The following ICA1L variants were observed in gnomAD, a reference collection of about 807,000 sequenced individuals.
ICA1L encodes the protein islet cell autoantigen 1 like.
In ICA1L, 50 loss-of-function variants were observed where a neutral mutation model predicts 61.3. That is an observed-to-expected ratio of 0.82 (90% confidence interval 0.65 to 1.03). The LOEUF is 1.03. Among genes scored for constraint, ICA1L ranks in the 50% least tolerant of loss-of-function variants. The pLI, the probability that ICA1L is intolerant of heterozygous loss-of-function variation, is 0.00. For missense variants in ICA1L, 508 were observed against 556.7 expected (o/e 0.91, Z 0.88); for synonymous variants, 161 against 191.3 (o/e 0.84, Z 1.31).
At chr2:202,814,451 C>G (rs1693473544) in intron 8 of ICA1L, among the ~76,000 whole-genome samples, 1 of 152,194 alleles carries the variant, frequency 6.6e-6, no homozygotes, top group South Asian at 2.1e-4. Context: ...TCACCAGAAA[C>G]CAGGGCCACG....
chr2:202,799,076 A>C (rs554508589), intron 9 of ICA1L, among the ~76,000 whole-genome samples: 1 of 152,388 alleles, frequency 6.6e-6, no homozygotes, highest in South Asian at 2.1e-4. Context: ...ATACTAATGC[A>C]ATAATCGTGC....
At chr2:202,806,162 C>T (rs1320898224) in intron 9 of ICA1L, among the ~76,000 whole-genome samples, 1 of 152,144 alleles carries the variant, frequency 6.6e-6, no homozygotes, top group Non-Finnish European at 1.5e-5. Context: ...CAATCCCAGG[C>T]AGTGCAGCTT....
intron 1 of ICA1L, among the ~76,000 whole-genome samples, chr2:202,864,607 A>ATGTGTG (rs1362448637): frequency 6.6e-6 from 1 of 151,080 alleles, no homozygotes; most frequent in African/African-American, 2.4e-5. Flanking sequence ...ATGTATGTAT[A>ATGTGTG]TGTGTGTGTG....
chr2:202,788,085 T>C (rs961095066), intron 11 of ICA1L, among the ~76,000 whole-genome samples: 4 of 152,192 alleles, frequency 2.6e-5, no homozygotes, highest in African/African-American at 4.8e-5. Flanking sequence ...ATAGGAGATA[T>C]GGGTGGAAAT....
In ICA1L at chr2:202,775,735, T is replaced by A. The variant is rs915553553; in HGVS notation, c.*3798A>T. 7.9e-5 allele frequency: 12 copies of A among 152,216 alleles called. No individual in the cohort carries two copies. Among genetic ancestry groups the A allele is most frequent in the Non-Finnish European group, 1.3e-4 (9 of 68,054 alleles). 9.4% of individuals were successfully genotyped at this position (152,216 alleles called of 1,614,324 possible). A position where few individuals can be genotyped will look rare whatever the true frequency, so the allele number is the denominator to read the frequency against. ...GGTTTCACCATGTTGGCCAGGGTGGTCTCAAACTCCCAACTTCAAGTGATC... is the reference window on the plus strand; with the variant it reads ...GGTTTCACCATGTTGGCCAGGGTGGACTCAAACTCCCAACTTCAAGTGATC... On this transcript the variant is annotated 3_prime_UTR_variant, in exon 13 of 13. Transcript: ENST00000358299.
chr2:202,813,354 A>T (rs866972761), intron 8 of ICA1L, among the ~76,000 whole-genome samples: 2 of 152,024 alleles, frequency 1.3e-5, no homozygotes, highest in African/African-American at 4.8e-5. Context: ...TCAAGTTAGC[A>T]AAAAAAATTG....
chr2:202,865,261 G>A (rs1687462852), intron 1 of ICA1L, among the ~76,000 whole-genome samples: 2 of 151,872 alleles, frequency 1.3e-5, no homozygotes, highest in South Asian at 4.2e-4. Flanking sequence ...TTGAGGTCAG[G>A]GGTTCAAGAG....
chr2:202,832,948 A>G (rs981021853), intron 1 of ICA1L, among the ~76,000 whole-genome samples: 3 of 152,168 alleles, frequency 2.0e-5, no homozygotes, highest in Non-Finnish European at 4.4e-5. Flanking sequence ...AAATATTCAA[A>G]TAAATAAAAC....
chr2:202,850,822 C>G (rs1433930040), intron 1 of ICA1L, among the ~76,000 whole-genome samples: 3 of 151,862 alleles, frequency 2.0e-5, no homozygotes, highest in Non-Finnish European at 4.4e-5. Flanking sequence ...AAGAGCAACC[C>G]CAAGACATAT....
Position 202,814,800 on chromosome 2 carries a change from T to C in ICA1L, c.784-16A>G, listed in dbSNP as rs1300418790. 1.9e-6 allele frequency: 3 copies of C among 1,542,192 alleles called. No homozygotes were observed. Among genetic ancestry groups the C allele is most frequent in the Non-Finnish European group, 2.7e-6 (3 of 1,115,796 alleles). On this transcript the variant is annotated splice_polypyrimidine_tract_variant and intron_variant, in intron 7 of 12. Transcript: ENST00000358299. The stretch of plus-strand genomic sequence containing the variant: ...CTTGTAGTTGCTAAAGATAAGAAAG[T>C]CAATGTTAAGTATATAGAATGAATC...
chr2:202,789,190 A>G (rs900701981), intron 10 of ICA1L, 103 bp from the exon 11 acceptor site: 1 of 960,164 alleles, frequency 1.0e-6, no homozygotes, highest in Non-Finnish European at 1.6e-6. Flanking sequence ...ATACTGTATT[A>G]ACATAATTTT....
rs1692291121 is a variant in ICA1L, at chr2:202,778,357, A to G, written c.*1176T>C. On this transcript the variant is annotated 3_prime_UTR_variant, in exon 13 of 13. Coordinates refer to ENST00000358299, the MANE Select transcript of ICA1L (RefSeq NM_001288622.3). ...ATCAGCTTACACTAACTTCCATTAAATAGCCTTCCTCTCTAATACTTAGGT... is the reference window on the plus strand; with the variant it reads ...ATCAGCTTACACTAACTTCCATTAAGTAGCCTTCCTCTCTAATACTTAGGT... 1 of 152,216 alleles carries G rather than the reference A, an allele frequency of 6.6e-6. No individual in the cohort carries two copies. Among genetic ancestry groups the G allele is most frequent in the African/African-American group, 2.4e-5 (1 of 41,452 alleles). 9.4% of individuals were successfully genotyped at this position (152,216 alleles called of 1,614,324 possible). A position where few individuals can be genotyped will look rare whatever the true frequency, so the allele number is the denominator to read the frequency against.
intron 1 of ICA1L, chr2:202,871,308 G>A (rs1387618974): frequency 2.0e-5 from 3 of 152,208 alleles, no homozygotes; most frequent in Non-Finnish European, 4.4e-5. Flanking sequence ...GAGCGTGGCC[G>A]GGAGGCGCCC....
intron 10 of ICA1L, among the ~76,000 whole-genome samples, chr2:202,789,986 C>T (rs557106017): frequency 6.6e-5 from 10 of 152,356 alleles, no homozygotes; most frequent in African/African-American, 1.7e-4. Flanking sequence ...GAAGTCCCCT[C>T]TGCTTTAACC....
chr2:202,827,447 ATTATTTTT>A (rs1277592159), intron 2 of ICA1L, among the ~76,000 whole-genome samples: 12 of 152,072 alleles, frequency 7.9e-5, no homozygotes, highest in African/African-American at 2.9e-4. Flanking sequence ...ACTATGCTTG[ATTATTTTT>A]TCCATAGGTC....
intron 5 of ICA1L, 145 bp downstream of exon 5, chr2:202,819,556 A>T: frequency 1.6e-6 from 1 of 643,048 alleles, no homozygotes; most frequent in Non-Finnish European, 2.7e-6. Flanking sequence ...AAACTTTTGT[A>T]CTTCAACTAC....
At chr2:202,799,499 G>A (rs765096623) in intron 9 of ICA1L, among the ~76,000 whole-genome samples, 3 of 152,076 alleles carry the variant, frequency 2.0e-5, no homozygotes, top group African/African-American at 4.8e-5. Context: ...TGAGTTCCTC[G>A]TATATTCTGG....
chr2:202,852,176 T>C (rs1694644551), intron 1 of ICA1L, among the ~76,000 whole-genome samples: 1 of 152,158 alleles, frequency 6.6e-6, no homozygotes, highest in Admixed American at 6.5e-5. Context: ...AGGTCTTTAC[T>C]ATTTAGGTCT....
At chr2:202,871,140 T>C (rs181853445) in intron 1 of ICA1L, 2 of 152,306 alleles carry the variant, frequency 1.3e-5, no homozygotes, top group East Asian at 3.9e-4. Context: ...TACAAAATAA[T>C]AGCGAAATAA....
Sources: gnomAD v4.1 joint callset for allele counts (sites outside exome capture counted in the v4.1 genomes callset) on GRCh38, gnomAD v4.1.1 for gene constraint, MANE v1.5 for transcripts, NCBI Gene and HGNC (gene_info 2026-07-23, HGNC 2026-07-21) for gene names.